NKAIN2: variants seen among roughly 807,000 people sequenced by gnomAD.
The protein encoded by NKAIN2 is sodium/potassium transporting ATPase interacting 2.
Under a neutral mutation model 32.6 loss-of-function variants are expected in NKAIN2, and 14 were observed. That is an observed-to-expected ratio of 0.43 (90% CI 0.28 to 0.67). NKAIN2 has a LOEUF of 0.67. NKAIN2 is among the 30% of genes least tolerant of loss of function. NKAIN2 has a pLI of 0.17. For synonymous variants in NKAIN2, 80 were observed against 87.2 expected (o/e 0.92, Z 0.46); for missense variants, 198 against 258.3 (o/e 0.77, Z 1.60).
chr6:124,005,070 C>CA (rs1372148071), intron 1 of NKAIN2, among the ~76,000 whole-genome samples: 1 of 151,712 alleles, frequency 6.6e-6, no homozygotes, highest in Non-Finnish European at 1.5e-5. Context: ...ACTAAAAATA[C>CA]AAAAATTAGC....
At chr6:124,236,491 C>A (rs1792770394) in intron 1 of NKAIN2, among the ~76,000 whole-genome samples, 2 of 152,044 alleles carry the variant, frequency 1.3e-5, no homozygotes, top group African/African-American at 4.8e-5. Context: ...ATGGATAGCA[C>A]TGAATTTTTC....
chr6:124,035,338 A>G (rs1020413279), intron 1 of NKAIN2, among the ~76,000 whole-genome samples: 4 of 152,130 alleles, frequency 2.6e-5, no homozygotes, highest in African/African-American at 7.2e-5. Flanking sequence ...GGATATGACA[A>G]ATTTATCCAG....
chr6:123,823,136 A>T (rs1773995083), intron 1 of NKAIN2: 1 of 152,204 alleles, frequency 6.6e-6, no homozygotes, highest in South Asian at 2.1e-4. Context: ...AGTTAATGAG[A>T]GGCTAGGATA....
At chr6:124,437,871 G>GGTTTTTTTTTTTTTTTTTTTTTT (rs751652394) in intron 3 of NKAIN2, 1 of 328,790 alleles carries the variant, frequency 3.0e-6, no homozygotes. Flanking sequence ...CTGATCTATT[G>GGTTTTTTTTTTTTTTTTTTTTTT]ATTTTTTTTT....
chr6:123,823,631 GA>G (rs1227296996), intron 1 of NKAIN2, among the ~76,000 whole-genome samples: 1 of 152,170 alleles, frequency 6.6e-6, no homozygotes, highest in Admixed American at 6.6e-5. Context: ...CAACAAGTGG[GA>G]AGCAAGAAGA....
intron 1 of NKAIN2, among the ~76,000 whole-genome samples, chr6:123,912,341 A>C (rs1243752405): frequency 6.6e-6 from 1 of 152,132 alleles, no homozygotes; most frequent in African/African-American, 2.4e-5. Flanking sequence ...TGTAATTTGT[A>C]TGTATGTAAT....
chr6:123,912,813 G>A (rs750268534), intron 1 of NKAIN2, among the ~76,000 whole-genome samples: 4 of 152,146 alleles, frequency 2.6e-5, no homozygotes, highest in Non-Finnish European at 5.9e-5. Flanking sequence ...TCAGCCTCAG[G>A]TATTCCTTTA....
intron 3 of NKAIN2, among the ~76,000 whole-genome samples, chr6:124,446,948 T>TATACATCCTACAATGC (rs1775917263): frequency 6.6e-6 from 1 of 152,120 alleles, no homozygotes; most frequent in South Asian, 2.1e-4. Flanking sequence ...CGGATGCTGC[T>TATACATCCTACAATGC]ATACATCCTA....
intron 6 of NKAIN2, among the ~76,000 whole-genome samples, chr6:124,821,328 A>T (rs1431004402): frequency 6.6e-6 from 1 of 152,012 alleles, no homozygotes; most frequent in Non-Finnish European, 1.5e-5. Flanking sequence ...AAATATCTAC[A>T]AGGTTTGTAA....
intron 3 of NKAIN2, among the ~76,000 whole-genome samples, chr6:124,607,095 G>C (rs753532650): frequency 6.6e-6 from 1 of 152,082 alleles, no homozygotes; most frequent in Non-Finnish European, 1.5e-5. Context: ...TCTAGAAGGA[G>C]AAATAAACTT....
intron 3 of NKAIN2, among the ~76,000 whole-genome samples, chr6:124,422,361 A>G (rs531930): frequency 0.8 from 121,158 of 151,888 alleles, 48,599 homozygotes; most frequent in East Asian, 0.87. Flanking sequence ...AACTTGGAAT[A>G]CATTTCTAAA....
At chr6:124,683,807 T>C (rs909921261) in intron 4 of NKAIN2, among the ~76,000 whole-genome samples, 6 of 152,192 alleles carry the variant, frequency 3.9e-5, no homozygotes, top group Admixed American at 2.0e-4. Flanking sequence ...AACATCACTA[T>C]GCAGAGAGAT....
intron 1 of NKAIN2, among the ~76,000 whole-genome samples, chr6:124,106,707 AAC>A (rs747573482): frequency 1.3e-4 from 20 of 152,226 alleles, no homozygotes; most frequent in Non-Finnish European, 2.5e-4. Context: ...TTTAATAAAT[AAC>A]AGAATGAGGA....
intron 1 of NKAIN2, among the ~76,000 whole-genome samples, chr6:124,239,008 T>C (rs923842722): frequency 2.6e-5 from 4 of 151,998 alleles, no homozygotes; most frequent in African/African-American, 9.7e-5. Flanking sequence ...TGTGCTGTAT[T>C]AGGAGACCCA....
chr6:124,533,144 A>G (rs534115273), intron 3 of NKAIN2, among the ~76,000 whole-genome samples: 9 of 152,116 alleles, frequency 5.9e-5, no homozygotes, highest in Non-Finnish European at 1.3e-4. Flanking sequence ...TATCTAGGAC[A>G]GTAGTTACCA....
chr6:124,339,641 T>C (rs1016686301), intron 2 of NKAIN2, among the ~76,000 whole-genome samples: 4 of 152,320 alleles, frequency 2.6e-5, no homozygotes, highest in South Asian at 4.1e-4. Context: ...GGTGGTTACA[T>C]TGGACCTACG....
intron 1 of NKAIN2, among the ~76,000 whole-genome samples, chr6:124,153,725 T>C (rs1199212250): frequency 6.6e-6 from 1 of 151,760 alleles, no homozygotes; most frequent in Non-Finnish European, 1.5e-5. Flanking sequence ...AGTGACTTCA[T>C]TAAATTCATT....
intron 3 of NKAIN2, among the ~76,000 whole-genome samples, chr6:124,430,655 G>T (rs568851754): frequency 1.4e-5 from 2 of 144,082 alleles, no homozygotes; most frequent in East Asian, 4.1e-4. Context: ...TCAGAGCTAC[G>T]AAGATGTATA....
intron 1 of NKAIN2, among the ~76,000 whole-genome samples, chr6:123,933,148 G>GA (rs963394017): frequency 9.2e-5 from 14 of 152,222 alleles, no homozygotes; most frequent in Middle Eastern, 3.4e-3. Context: ...TTCAAAAGCA[G>GA]AAAAAAGTAT....
Sources: gnomAD v4.1 joint callset for allele counts (sites outside exome capture counted in the v4.1 genomes callset) on GRCh38, gnomAD v4.1.1 for gene constraint, MANE v1.5 for transcripts, NCBI Gene and HGNC (gene_info 2026-07-23, HGNC 2026-07-21) for gene names.